Variants in OVCH1 observed in about 807,000 individuals in gnomAD.
OVCH1 encodes the protein ovochymase-1.
In OVCH1, 139 loss-of-function variants were observed where a neutral mutation model predicts 138.4. That is an observed-to-expected ratio of 1.00 (90% CI 0.87 to 1.16). The LOEUF is 1.16. Among genes scored for constraint, OVCH1 ranks in the 50% most tolerant of loss-of-function variants. The pLI, the probability that OVCH1 is intolerant of heterozygous loss-of-function variation, is 0.00. For synonymous variants in OVCH1, 453 were observed against 467.8 expected (o/e 0.97, Z 0.41); for missense variants, 1,367 against 1,357.9 (o/e 1.01, Z -0.11).
chr12:29,409,192 TC>T (rs1940921106), downstream of OVCH1, among the ~76,000 whole-genome samples: 1 of 152,184 alleles, frequency 6.6e-6, no homozygotes, highest in Non-Finnish European at 1.5e-5. Flanking sequence ...ATTTGATTCT[TC>T]TCTCTTTTTT....
At chr12:29,487,307 G>A (rs1291518262) in intron 7 of OVCH1, 3 of 173,036 alleles carry the variant, frequency 1.7e-5, no homozygotes, top group Non-Finnish European at 3.7e-5. Context: ...TTTCACTGTT[G>A]CCAAGGAAGT....
At chr12:29,451,092 C>A (rs889839895) in intron 22 of OVCH1, among the ~76,000 whole-genome samples, 1 of 151,988 alleles carries the variant, frequency 6.6e-6, no homozygotes, top group African/African-American at 2.4e-5. Context: ...TTGCAGCAAA[C>A]CACCACGGCA....
At chr12:29,424,241 G>A (rs1941147053), downstream of OVCH1, among the ~76,000 whole-genome samples, 1 of 152,242 alleles carries the variant, frequency 6.6e-6, no homozygotes, top group African/African-American at 2.4e-5. Context: ...ATCTGCAGCA[G>A]GAGTGTGTCC....
Position 29,454,792 on chromosome 12 carries a change from G to A in OVCH1, c.2530+49C>T, listed in dbSNP as rs556067457. ...CAAAGCTAGACAGACAATGCTTCTT[G>A]CCAAATTCTGGCTGAAAGTATTAAT... is the stretch of plus-strand genomic sequence containing the variant. On this transcript the variant is annotated intron_variant, in intron 21 of 27. Coordinates refer to ENST00000318184, the Ensembl canonical transcript of OVCH1. The A allele has an allele frequency of 5.3e-6, 8 of 1,498,554 alleles. No individual in the cohort carries two copies. In the South Asian group the frequency reaches 7.1e-5, roughly 13 times the overall value. 92.8% of individuals were successfully genotyped at this position (1,498,554 alleles called of 1,614,324 possible). A position where few individuals can be genotyped will look rare whatever the true frequency, so the allele number is the denominator to read the frequency against.
At chr12:29,477,655 C>T in intron 9 of OVCH1, 177 bp from the exon 11 acceptor site, 1 of 1,520,038 alleles carries the variant, frequency 6.6e-7, no homozygotes, top group South Asian at 1.2e-5. Flanking sequence ...ATTCCAGTCT[C>T]CTTCTCAACC....
exon 10 of OVCH1, chr12:29,477,564 T>C (rs1462186705): frequency 1.2e-6 from 2 of 1,613,728 alleles, no homozygotes; most frequent in African/African-American, 1.3e-5. Context: ...TCGTCTTCCA[T>C]GAGAGATCTC....
intron 14 of OVCH1, among the ~76,000 whole-genome samples, chr12:29,474,266 A>G (rs932799170): frequency 1.3e-5 from 2 of 152,158 alleles, no homozygotes; most frequent in African/African-American, 4.8e-5. Context: ...AAGTTCATTC[A>G]TAATCTTCCA....
In OVCH1 at chr12:29,477,963, G is replaced by A. The variant is rs533102965; in HGVS notation, c.1070-385C>T. Among the ~76,000 whole-genome samples, 155 of 152,228 alleles carry A rather than the reference G, an allele frequency of 1.0e-3. 1 individual carries two copies. Among genetic ancestry groups the A allele is most frequent in the African/African-American group, 3.5e-3 (147 of 41,532 alleles). Reference sequence around the variant, plus strand: ...AGAATAATTACTGTGTAAATAGCAGGCCTGAGCATGAAATAATTTAGACAA... The same window carrying A: ...AGAATAATTACTGTGTAAATAGCAGACCTGAGCATGAAATAATTTAGACAA... On this transcript the variant is annotated intron_variant, in intron 9 of 27. Coordinates refer to ENST00000318184, the Ensembl canonical transcript of OVCH1.
intron 8 of OVCH1, among the ~76,000 whole-genome samples, 193 bp downstream of exon 8, chr12:29,486,057 C>T (rs1253382629): frequency 6.6e-6 from 1 of 151,962 alleles, no homozygotes; most frequent in Non-Finnish European, 1.5e-5. Context: ...CCCTCATTCA[C>T]TCAAAAGTTT....
At chr12:29,446,229 C>A (rs758659223) in intron 22 of OVCH1, among the ~76,000 whole-genome samples, 1 of 151,888 alleles carries the variant, frequency 6.6e-6, no homozygotes, top group Non-Finnish European at 1.5e-5. Context: ...AGTCCGTGGT[C>A]CATAGTAGGT....
chr12:29,450,304 TAAAC>T (rs1941748056), intron 22 of OVCH1, among the ~76,000 whole-genome samples: 1 of 151,950 alleles, frequency 6.6e-6, no homozygotes, highest in African/African-American at 2.4e-5. Context: ...ACAAGGAACT[TAAAC>T]AAATTCACAA....
intron 19 of OVCH1, among the ~76,000 whole-genome samples, chr12:29,458,371 CAA>C (rs1180333941): frequency 1.4e-5 from 2 of 141,590 alleles, no homozygotes; most frequent in Non-Finnish European, 3.1e-5. Flanking sequence ...GACAAAGGTG[CAA>C]AAAAAAAAAT....
chr12:29,491,907 G>A (rs763246659), intron 4 of OVCH1, among the ~76,000 whole-genome samples: 35 of 152,258 alleles, frequency 2.3e-4, no homozygotes, highest in Admixed American at 7.2e-4. Flanking sequence ...AAATTATCAC[G>A]TGGCAAGCAC....
intron 12 of OVCH1, 58 bp downstream of exon 12, chr12:29,477,034 GAATTAAGTTC>G: frequency 7.0e-7 from 1 of 1,432,034 alleles, no homozygotes; most frequent in African/African-American, 1.4e-5. Flanking sequence ...CAATCCAGAT[GAATTAAGTTC>G]TGCCTAACTA....
chr12:29,427,503 T>A, downstream of OVCH1: 1 of 1,540,466 alleles, frequency 6.5e-7, no homozygotes, highest in South Asian at 1.2e-5. Flanking sequence ...GACGTGAAAC[T>A]TGAGACAGAA....
At chr12:29,454,973 C>G (rs1282036773) in intron 20 of OVCH1, 40 bp from the exon 21 acceptor site, 1 of 1,514,046 alleles carries the variant, frequency 6.6e-7, no homozygotes, top group Non-Finnish European at 9.1e-7. Context: ...AAGATGAAAG[C>G]CTGAGAACAA....
At chr12:29,413,669 TACACACACAC>T (rs3064302) in intron 3 of OVCH1, among the ~76,000 whole-genome samples, 3 of 150,820 alleles carry the variant, frequency 2.0e-5, no homozygotes, top group African/African-American at 7.4e-5. Context: ...ATTACACACA[TACACACACAC>T]ACACACACAC....
chr12:29,487,085 G>A (rs1191442355), intron 7 of OVCH1: 2 of 333,194 alleles, frequency 6.0e-6, no homozygotes, highest in South Asian at 4.7e-5. Context: ...AAGCGATGGA[G>A]GATGGAGAGA....
intron 27 of OVCH1, among the ~76,000 whole-genome samples, chr12:29,429,934 C>CTGTT (rs956076259): frequency 6.6e-6 from 1 of 152,218 alleles, no homozygotes; most frequent in Non-Finnish European, 1.5e-5. Flanking sequence ...TAAATGACTT[C>CTGTT]TGTTTGGAAA....
Sources: gnomAD v4.1 joint callset for allele counts (sites outside exome capture counted in the v4.1 genomes callset) on GRCh38, gnomAD v4.1.1 for gene constraint, MANE v1.5 for transcripts, NCBI Gene and HGNC (gene_info 2026-07-23, HGNC 2026-07-21) for gene names.